Variants in ATP11B observed in about 807,000 individuals in gnomAD.
ATP11B encodes the protein ATPase phospholipid transporting 11B (putative), also known as phospholipid-transporting ATPase IF.
ATP11B carries 81 observed loss-of-function variants against 157.8 expected under a neutral mutation model. The observed-to-expected ratio is 0.51, with a 90% CI of 0.43 to 0.62. ATP11B has a LOEUF of 0.62. Ranked by LOEUF, ATP11B falls within the 20% of genes least tolerant of loss-of-function variation. ATP11B has a pLI of 0.00. For synonymous variants in ATP11B, 451 were observed against 469.4 expected (o/e 0.96, Z 0.51); for missense variants, 1,165 against 1,402.2 (o/e 0.83, Z 2.70).
chr3:182,897,271 A>G (rs745829710), intron 26 of ATP11B, 32 bp from the exon 27 acceptor site: 1 of 1,231,776 alleles, frequency 8.1e-7, no homozygotes, highest in Non-Finnish European at 1.1e-6. Context: ...TTATTTGTTT[A>G]TATTTCTAAG....
In ATP11B at chr3:182,914,035, T is replaced by A. The variant is rs780528899; in HGVS notation, c.3452+41T>A. 6.8e-6 allele frequency: 11 copies of A among 1,611,770 alleles called. No individual in the cohort carries two copies. The South Asian group carries it at 8.8e-5, about 13-fold the overall frequency. On this transcript the variant is annotated intron_variant, in intron 29 of 29. Coordinates refer to ENST00000323116, the MANE Select transcript of ATP11B (RefSeq NM_014616.3). ...AAGTAGCCTTTGCTGCAGATGAGTA[T>A]CCTATCTGGAACAGGATGAACCTGC...
chr3:182,817,596 A>G (rs1357695920), intron 1 of ATP11B, among the ~76,000 whole-genome samples: 1 of 152,196 alleles, frequency 6.6e-6, no homozygotes, highest in Non-Finnish European at 1.5e-5. Context: ...ACGTTTTAAT[A>G]TATCCCTTTG....
At chr3:182,866,529 A>G (rs1721246689) in intron 14 of ATP11B, 86 bp downstream of exon 14, 2 of 1,191,606 alleles carry the variant, frequency 1.7e-6, no homozygotes, top group South Asian at 5.2e-5. Context: ...AAATTTTCAA[A>G]CATAAATTCG....
At chr3:182,841,986 A>AAC (rs1560079203) in intron 7 of ATP11B, 89 bp from the exon 8 acceptor site, 2 of 838,184 alleles carry the variant, frequency 2.4e-6, no homozygotes, top group Non-Finnish European at 3.7e-6. Flanking sequence ...TCAAAAAAAA[A>AAC]AAAAAAAAAA....
intron 10 of ATP11B, among the ~76,000 whole-genome samples, chr3:182,854,195 C>T (rs746935499): frequency 3.9e-5 from 6 of 152,234 alleles, no homozygotes; most frequent in East Asian, 1.9e-4. Context: ...AAGAGCTGGG[C>T]GCGGTGGCTC....
chr3:182,862,785 T>C (rs1720942181), intron 12 of ATP11B, among the ~76,000 whole-genome samples: 1 of 151,938 alleles, frequency 6.6e-6, no homozygotes, highest in South Asian at 2.1e-4. Flanking sequence ...CCTCTCATGC[T>C]GACTTTTTTA....
At chr3:182,908,536 T>G (rs1724550637) in intron 28 of ATP11B, 1 of 152,184 alleles carries the variant, frequency 6.6e-6, no homozygotes, top group African/African-American at 2.4e-5. Flanking sequence ...TCTCCTTCTC[T>G]TAAGAAATCC....
intron 4 of ATP11B, 190 bp downstream of exon 4, chr3:182,829,942 A>G: frequency 3.0e-6 from 3 of 985,320 alleles, no homozygotes; most frequent in Non-Finnish European, 3.6e-6. Context: ...GACTCATGGA[A>G]TGATTAACAT....
intron 9 of ATP11B, among the ~76,000 whole-genome samples, chr3:182,846,270 C>T (rs1042923700): frequency 1.4e-4 from 21 of 151,272 alleles, no homozygotes; most frequent in African/African-American, 4.4e-4. Context: ...CAGTGTTAGA[C>T]TCTCTGATAA....
chr3:182,868,702 G>A (rs530881682), intron 15 of ATP11B, among the ~76,000 whole-genome samples: 1 of 152,244 alleles, frequency 6.6e-6, no homozygotes, highest in South Asian at 2.1e-4. Context: ...AAAACATGGA[G>A]CTGGGCAGAT....
intron 14 of ATP11B, among the ~76,000 whole-genome samples, chr3:182,866,777 A>G (rs2108543057): frequency 6.7e-6 from 1 of 148,606 alleles, no homozygotes; most frequent in South Asian, 2.1e-4. Flanking sequence ...AAAAGTATAT[A>G]TATATGTTTG....
chr3:182,834,554 A>T (rs1284234408), intron 4 of ATP11B, among the ~76,000 whole-genome samples: 2 of 152,162 alleles, frequency 1.3e-5, no homozygotes, highest in Non-Finnish European at 2.9e-5. Context: ...TCTGTACCTT[A>T]CCTTTTTATT....
intron 10 of ATP11B, among the ~76,000 whole-genome samples, chr3:182,853,626 T>G (rs1720151987): frequency 6.6e-6 from 1 of 152,198 alleles, no homozygotes; most frequent in Non-Finnish European, 1.5e-5. Context: ...GTGCAAGATT[T>G]ATATAATGAA....
At chr3:182,834,344 A>G (rs1416128013) in intron 4 of ATP11B, among the ~76,000 whole-genome samples, 2 of 152,198 alleles carry the variant, frequency 1.3e-5, no homozygotes, top group South Asian at 2.1e-4. Flanking sequence ...ATTTCATAAT[A>G]TTTTAAAAAT....
chr3:182,798,242 GTATTTA>G (rs1229993007), intron 1 of ATP11B, among the ~76,000 whole-genome samples: 4 of 152,182 alleles, frequency 2.6e-5, no homozygotes, highest in African/African-American at 9.7e-5. Context: ...TATCTTACTT[GTATTTA>G]TATTCCTTAC....
intron 10 of ATP11B, among the ~76,000 whole-genome samples, chr3:182,854,688 T>G (rs1181735990): frequency 6.6e-6 from 1 of 151,674 alleles, no homozygotes; most frequent in African/African-American, 2.4e-5. Flanking sequence ...GAGACAATAT[T>G]TGCAAAACAT....
chr3:182,828,322 C>A (rs1266637196), intron 3 of ATP11B, 113 bp downstream of exon 3: 1 of 493,182 alleles, frequency 2.0e-6, no homozygotes, highest in African/African-American at 2.0e-5. Flanking sequence ...ACCATTTTTT[C>A]TGCAGTGCTT....
chr3:182,854,233 G>A (rs1441794946), intron 10 of ATP11B, among the ~76,000 whole-genome samples: 2 of 152,184 alleles, frequency 1.3e-5, no homozygotes, highest in Admixed American at 6.5e-5. Flanking sequence ...ACTTTGGGAG[G>A]CCGAGACGGG....
intron 28 of ATP11B, among the ~76,000 whole-genome samples, chr3:182,912,953 C>G (rs1724896080): frequency 6.6e-6 from 1 of 151,958 alleles, no homozygotes; most frequent in African/African-American, 2.4e-5. Flanking sequence ...GCATCTTTGA[C>G]AAACAAAACC....
Sources: gnomAD v4.1 joint callset for allele counts (sites outside exome capture counted in the v4.1 genomes callset) on GRCh38, gnomAD v4.1.1 for gene constraint, MANE v1.5 for transcripts, NCBI Gene and HGNC (gene_info 2026-07-23, HGNC 2026-07-21) for gene names.